DOCK9: variants seen among roughly 807,000 people sequenced by gnomAD.
DOCK9 encodes dedicator of cytokinesis protein 9.
A neutral mutation model predicts 263.3 loss-of-function variants in DOCK9; 89 were observed. The ratio of observed to expected loss-of-function variants is 0.34; its 90% confidence interval spans 0.28 to 0.40. The LOEUF (loss-of-function observed/expected upper bound fraction) is 0.40. DOCK9 is among the 10% of genes least tolerant of loss of function. The pLI is 1.00. For synonymous variants in DOCK9, 976 were observed against 973.1 expected (o/e 1.00, Z -0.06); for missense variants, 2,140 against 2,603.4 (o/e 0.82, Z 3.87).
rs143870339 is a variant in DOCK9 at position 98,804,896 on chromosome 13, T to C, written c.5725+103A>G. ...TGAAATGGGTGTGGGGGTGGCTAAC[T>C]GAGCTCGAAAGACCCTTCCAGTCCT... On this transcript the variant is annotated intron_variant, in intron 49 of 52. Coordinates refer to ENST00000682017, the MANE Select transcript of DOCK9 (RefSeq NM_001366683.2). 1.5e-5 allele frequency: 18 copies of C among 1,233,396 alleles called. No homozygotes were observed. In the East Asian group the frequency reaches 4.6e-4, roughly 31 times the overall value. 76.4% of individuals were successfully genotyped at this position (1,233,396 alleles called of 1,614,324 possible).
At chr13:99,002,210 C>G (rs999053534) in intron 1 of DOCK9, among the ~76,000 whole-genome samples, 7 of 152,172 alleles carry the variant, frequency 4.6e-5, no homozygotes, top group African/African-American at 1.7e-4. Context: ...TGTGGGGGAT[C>G]AGAGCTTTCA....
chr13:98,933,743 C>T (rs1339183427), intron 2 of DOCK9, among the ~76,000 whole-genome samples: 3 of 152,260 alleles, frequency 2.0e-5, no homozygotes, highest in African/African-American at 7.2e-5. Flanking sequence ...TATCCTTCCT[C>T]GTCTATGCAT....
At chr13:98,919,084 G>A (rs2051397784) in intron 7 of DOCK9, among the ~76,000 whole-genome samples, 1 of 151,628 alleles carries the variant, frequency 6.6e-6, no homozygotes, top group South Asian at 2.1e-4. Flanking sequence ...CAGGGGTGAA[G>A]CACTGCCCTT....
intron 1 of DOCK9, among the ~76,000 whole-genome samples, chr13:98,997,060 T>C (rs1174107434): frequency 3.3e-5 from 5 of 152,192 alleles, no homozygotes; most frequent in African/African-American, 7.2e-5. Context: ...GTGCTGACTA[T>C]CCAGGGTTTC....
intron 1 of DOCK9, among the ~76,000 whole-genome samples, chr13:98,985,159 A>C (rs1878161083): frequency 6.6e-6 from 1 of 152,134 alleles, no homozygotes; most frequent in Non-Finnish European, 1.5e-5. Context: ...CAGTCCCTAA[A>C]GAAACCTCTG....
intron 9 of DOCK9, among the ~76,000 whole-genome samples, chr13:98,907,143 G>T (rs987444151): frequency 6.6e-6 from 1 of 152,182 alleles, no homozygotes; most frequent in Non-Finnish European, 1.5e-5. Flanking sequence ...ACACGTGCAA[G>T]TGGAATCTAT....
intron 2 of DOCK9, among the ~76,000 whole-genome samples, chr13:98,946,374 C>G (rs1209128020): frequency 5.9e-5 from 9 of 152,092 alleles, no homozygotes; most frequent in Non-Finnish European, 1.0e-4. Context: ...GCTGGTGAGA[C>G]TTGACTCCCC....
At chr13:98,979,291 A>C (rs563537629), upstream of DOCK9, among the ~76,000 whole-genome samples, 106 of 152,186 alleles carry the variant, frequency 7.0e-4, no homozygotes, top group African/African-American at 2.3e-3. Flanking sequence ...AGTAGTTATC[A>C]TGTAGCAACA....
At chr13:99,053,678 G>A (rs891994491) in intron 1 of DOCK9, among the ~76,000 whole-genome samples, 3 of 152,102 alleles carry the variant, frequency 2.0e-5, no homozygotes, top group African/African-American at 4.8e-5. Context: ...CTGCAGGAGG[G>A]TTCTCCTTCC....
At chr13:98,979,339 A>T (rs1485695151), upstream of DOCK9, among the ~76,000 whole-genome samples, 1 of 152,136 alleles carries the variant, frequency 6.6e-6, no homozygotes, top group Non-Finnish European at 1.5e-5. Flanking sequence ...GAAATAACAT[A>T]AACTATTATA....
At chr13:98,877,915 A>C (rs2142493124) in intron 27 of DOCK9, among the ~76,000 whole-genome samples, 1 of 152,332 alleles carries the variant, frequency 6.6e-6, no homozygotes, top group South Asian at 2.1e-4. Flanking sequence ...CAAAAATAAT[A>C]AAAAATCCAC....
intron 15 of DOCK9, among the ~76,000 whole-genome samples, chr13:98,892,213 T>C (rs892831902): frequency 1.3e-5 from 2 of 152,178 alleles, no homozygotes; most frequent in South Asian, 2.1e-4. Context: ...AACTCTCTCT[T>C]AGGAAAATTT....
chr13:98,897,361 C>T lies in DOCK9; in HGVS notation c.1709+127G>A, dbSNP rs1355236189. The T allele has an allele frequency of 2.6e-6, 3 of 1,176,120 alleles. No homozygotes were observed. The African/African-American group carries it at 4.6e-5, about 18-fold the overall frequency. The allele number at this position is 1,176,120 out of a possible 1,614,324, so 72.9% of individuals were successfully genotyped here. ...TTCTTCTCAAGGGTTTGAGGAAATG[C>T]TTCACGCTCATTTGCCATCCCCTCT... On this transcript the variant is annotated intron_variant, in intron 15 of 52. Transcript: ENST00000682017.
chr13:98,925,825 T>C lies in DOCK9; in HGVS notation c.416+12A>G, dbSNP rs780522064. On this transcript the variant is annotated intron_variant, in intron 4 of 52. Transcript: ENST00000682017. ...AAGACTTTTCCCTATGTGTATAATATAGCTTACTCACTTCGGAAGCTGTCG... is the reference window on the plus strand; with the variant it reads ...AAGACTTTTCCCTATGTGTATAATACAGCTTACTCACTTCGGAAGCTGTCG... The C allele has an allele frequency of 5.9e-6, 9 of 1,538,154 alleles. No homozygotes were observed. Among genetic ancestry groups the C allele is most frequent in the African/African-American group, 2.7e-5 (2 of 72,914 alleles).
At chr13:98,965,224 G>T (rs1263308040) in intron 1 of DOCK9, among the ~76,000 whole-genome samples, 1 of 152,142 alleles carries the variant, frequency 6.6e-6, no homozygotes, top group Non-Finnish European at 1.5e-5. Context: ...TCCAGTGGAA[G>T]AAAGAAGCCC....
intron 13 of DOCK9, among the ~76,000 whole-genome samples, chr13:98,900,858 G>A (rs1235378850): frequency 1.3e-5 from 2 of 152,182 alleles, no homozygotes; most frequent in Non-Finnish European, 2.9e-5. Context: ...ATGCATGGGC[G>A]CCCATAGAGG....
intron 37 of DOCK9, 86 bp from the exon 38 acceptor site, chr13:98,846,146 T>C: frequency 6.8e-7 from 1 of 1,469,656 alleles, no homozygotes; most frequent in Non-Finnish European, 9.2e-7. Flanking sequence ...AGCCAGAACA[T>C]GGCACGAGGG....
intron 10 of DOCK9, among the ~76,000 whole-genome samples, chr13:98,904,207 G>T (rs537872527): frequency 6.6e-6 from 1 of 152,300 alleles, no homozygotes; most frequent in South Asian, 2.1e-4. Context: ...ACATACGTAT[G>T]GTTATGAGGT....
At chr13:98,849,876 G>A (rs2093511494) in intron 36 of DOCK9, among the ~76,000 whole-genome samples, 171 bp downstream of exon 36, 1 of 152,120 alleles carries the variant, frequency 6.6e-6, no homozygotes, top group Non-Finnish European at 1.5e-5. Context: ...TGATCACTGG[G>A]TCACAAGCCC....
Sources: allele counts gnomAD v4.1 joint callset (sites outside exome capture counted in the v4.1 genomes callset), GRCh38; gene constraint gnomAD v4.1.1; transcripts MANE v1.5; gene names NCBI Gene and HGNC (gene_info 2026-07-23, HGNC 2026-07-21).